Variants in ADAMTS16 observed in about 807,000 individuals in gnomAD.
ADAMTS16 encodes the protein ADAM metallopeptidase with thrombospondin type 1 motif 16.
A neutral mutation model predicts 145.8 loss-of-function variants in ADAMTS16; 94 were observed. The observed-to-expected ratio is 0.64, with a 90% confidence interval of 0.55 to 0.77. The LOEUF is 0.77. ADAMTS16 is among the 30% of genes least tolerant of loss of function. The probability of loss-of-function intolerance (pLI) is 0.00; values close to 1 mark genes in which losing one functional copy is unlikely to be tolerated. For missense variants in ADAMTS16, 1,585 were observed against 1,591.5 expected, an observed-to-expected ratio of 1.00 and a Z score of 0.07; for synonymous variants, 659 against 604.3, an observed-to-expected ratio of 1.09 and a Z score of -1.33.
intron 18 of ADAMTS16, among the ~76,000 whole-genome samples, chr5:5,291,659 C>A (rs112519043): frequency 5.8e-5 from 8 of 137,938 alleles, no homozygotes; most frequent in Non-Finnish European, 1.1e-4. Context: ...CCCACCCCCC[C>A]ACCCCCACAC....
At chr5:5,253,797 C>T (rs950745936) in intron 17 of ADAMTS16, among the ~76,000 whole-genome samples, 1 of 152,174 alleles carries the variant, frequency 6.6e-6, no homozygotes, top group South Asian at 2.1e-4. Context: ...CTGCAGCCTT[C>T]GACAGCTGGT....
At chr5:5,314,059 G>A (rs1158272561) in intron 21 of ADAMTS16, among the ~76,000 whole-genome samples, 3 of 152,218 alleles carry the variant, frequency 2.0e-5, no homozygotes, top group African/African-American at 7.2e-5. Flanking sequence ...AATTCACAAC[G>A]TCGGTTATGT....
rs147966535 is a variant in ADAMTS16, at chr5:5,257,682, T to C, written c.2663-4975T>C. Reference sequence around the variant, plus strand: ...TCTGACACCAAATTGGTGGGGTTTTTCCACACTAACAACCAGTTCTCCAAT... The same window carrying C: ...TCTGACACCAAATTGGTGGGGTTTTCCCACACTAACAACCAGTTCTCCAAT... On this transcript the variant is annotated intron_variant, in intron 17 of 22. Coordinates refer to ENST00000274181, the MANE Select transcript of ADAMTS16 (RefSeq NM_139056.4). 6.4e-3 allele frequency among the ~76,000 whole-genome samples: 970 copies of C among 152,334 alleles called. 4 individuals are homozygous for C. The highest frequency in any genetic ancestry group is 0.011 in the Admixed American group (174 of 15,306).
At position 5,290,423 on chromosome 5, in the gene ADAMTS16, G is replaced by C. The variant is rs148191442; in HGVS notation, c.2790-12845G>C. Among the ~76,000 whole-genome samples, 570 of 152,320 alleles carry C rather than the reference G, an allele frequency of 3.7e-3. 2 individuals carry two copies. The highest frequency in any genetic ancestry group is 0.012 in the African/African-American group (506 of 41,558). On this transcript the variant is annotated intron_variant, in intron 18 of 22. Transcript: ENST00000274181. ...TAATCCCAGCACTTTGGGAGGCCGA[G>C]ATGGGTGGATCACCTGAGGTCAGGA...
chr5:5,304,904 G>A lies in ADAMTS16; in HGVS notation c.3186+1138G>A, dbSNP rs571721965. On this transcript the variant is annotated intron_variant, in intron 20 of 22. Transcript: ENST00000274181. ...GCGATGTGGGCTGCATAATCTATGG[G>A]CTGTGTCCAGGTAGAAAGTCCTTGC... Among the ~76,000 whole-genome samples, 16 of 151,916 alleles carry A rather than the reference G, an allele frequency of 1.1e-4. No homozygotes were observed. In the East Asian group the frequency reaches 1.2e-3, roughly 11 times the overall value.
rs534933439 is a variant in ADAMTS16 at position 5,181,298 on chromosome 5, T to A, written c.502-746T>A. ...AGTTTACATTTCCCAGAATGTAAGA[T>A]TGCCTGCTTGTCCTCATGCTCACCA... is the stretch of plus-strand genomic sequence containing the variant. On this transcript the variant is annotated intron_variant, in intron 3 of 22. Transcript: ENST00000274181. 2.0e-5 allele frequency among the ~76,000 whole-genome samples: 3 copies of A among 152,324 alleles called. No homozygotes were observed. The East Asian group carries it at 5.8e-4, about 29-fold the overall frequency.
At position 5,255,315 on chromosome 5, in the gene ADAMTS16, C is replaced by T. The variant is rs76128758; in HGVS notation, c.2663-7342C>T. Among the ~76,000 whole-genome samples, 1,010 of 151,984 alleles carry T rather than the reference C, an allele frequency of 6.6e-3. 12 individuals are homozygous for T. The highest frequency in any genetic ancestry group is 0.023 in the African/African-American group (956 of 41,464). On this transcript the variant is annotated intron_variant, in intron 17 of 22. Transcript: ENST00000274181. ...GGTATTTCACCAAGAAAATAGAAAC[C>T]TTTCTAGGTATTTCAAGCAAGAAGT... is the stretch of plus-strand genomic sequence containing the variant.
intron 18 of ADAMTS16, among the ~76,000 whole-genome samples, chr5:5,300,929 T>C (rs2126507094): frequency 6.6e-6 from 1 of 152,352 alleles, no homozygotes; most frequent in Non-Finnish European, 1.5e-5. Flanking sequence ...CAAACCTTTT[T>C]GATTGTATTT....
chr5:5,193,167 G>GCGCA (rs1553989640), intron 8 of ADAMTS16, among the ~76,000 whole-genome samples: 19 of 144,628 alleles, frequency 1.3e-4, no homozygotes, highest in African/African-American at 5.0e-4. Flanking sequence ...GTGTGTGCGC[G>GCGCA]CGCGCACATA....
rs1403814147 is a variant in ADAMTS16 at position 5,310,708 on chromosome 5, C to T, written c.3411+3980C>T. ...GGCATGACGGGCCCTCCCTCAACCT[C>T]CAGAAGGCACCACCTCTGCTGCTCA... On this transcript the variant is annotated intron_variant, in intron 21 of 22. Coordinates refer to ENST00000274181, the MANE Select transcript of ADAMTS16 (RefSeq NM_139056.4). The surrounding 1 kb of genome is among the most constrained non-coding windows in gnomAD (Gnocchi z 4.3). 6.6e-6 allele frequency among the ~76,000 whole-genome samples: 1 copy of T among 152,192 alleles called. No individual in the cohort carries two copies. Among genetic ancestry groups the T allele is most frequent in the Non-Finnish European group, 1.5e-5 (1 of 68,038 alleles).
At chr5:5,259,805 G>A (rs1201749716) in intron 17 of ADAMTS16, among the ~76,000 whole-genome samples, 2 of 152,210 alleles carry the variant, frequency 1.3e-5, no homozygotes, top group African/African-American at 4.8e-5. Context: ...ACATAACTCA[G>A]CTTTCAGCTT....
chr5:5,222,790 A>C lies in ADAMTS16; in HGVS notation c.1607A>C (p.Asp536Ala). The C allele has an allele frequency of 6.2e-7, 1 of 1,613,888 alleles. No homozygotes were observed. Among genetic ancestry groups the C allele is most frequent in the Non-Finnish European group, 8.5e-7 (1 of 1,179,804 alleles). ...TGACCTTTTACAAAATTTCTTTAGG[A>C]CATCTGTAAAGCCCTGTGGTGCCAT... ...AKLCMLDFKKDICKALWCHRI... is the reference protein window; with the variant it reads ...AKLCMLDFKKAICKALWCHRI... The change falls in exon 11 of 23, where the codon GAC (aspartate) becomes GCC (alanine). Residue 536 changes from aspartate to alanine, a missense_variant and splice_region_variant. This residue lies in a region of ADAMTS16 where 298 missense variants were observed against 367.6 expected (regional missense o/e 0.81). Transcript: ENST00000274181.
In ADAMTS16 at chr5:5,191,683, A is replaced by G; in HGVS notation, c.1208-2A>G. The stretch of plus-strand genomic sequence containing the variant: ...TGTTCTTTTGATCTTTGTCCTTCAC[A>G]GGATTTGCACCCATAAGTGGAATGT... On this transcript the variant is annotated splice_acceptor_variant, in intron 7 of 22. Coordinates refer to ENST00000274181, the MANE Select transcript of ADAMTS16 (RefSeq NM_139056.4). LOFTEE classifies it high-confidence loss of function. 1.2e-6 allele frequency: 2 copies of G among 1,611,232 alleles called. No individual in the cohort carries two copies. The highest frequency in any genetic ancestry group is 1.7e-6 in the Non-Finnish European group (2 of 1,177,826).
Position 5,239,796 on chromosome 5 carries a change from T to C in ADAMTS16, c.2394T>C (p.Asn798=), listed in dbSNP as rs1260796635. ...VRNALRRYYL[N]GHWTVDWPGR... is the part of the protein sequence containing the mutation. ...ATGCCCTCAGAAGGTACTACCTGAA[T>C]GGGCACTGGACCGTGGACTGGCCCG... The change falls in exon 16 of 23, where the codon AAT becomes AAC. Residue 798 remains asparagine (N), a synonymous_variant. Transcript: ENST00000274181. 6.2e-7 allele frequency: 1 copy of C among 1,614,200 alleles called. No homozygotes were observed. Among genetic ancestry groups the C allele is most frequent in the South Asian group, 1.1e-5 (1 of 91,080 alleles).
At chr5:5,156,542 T>C (rs6899080) in intron 3 of ADAMTS16, among the ~76,000 whole-genome samples, 41,478 of 152,082 alleles carry the variant, frequency 0.27, 6,144 homozygotes, top group South Asian at 0.4. Flanking sequence ...ACAGGCTTAT[T>C]CTTGTATGGG....
intron 11 of ADAMTS16, among the ~76,000 whole-genome samples, chr5:5,228,592 G>A (rs916436063): frequency 2.3e-4 from 35 of 152,218 alleles, no homozygotes; most frequent in Middle Eastern, 3.4e-3. Context: ...TTAAGAGGCT[G>A]TAGCCTCTTA....
chr5:5,214,717 T>A (rs572612832), intron 10 of ADAMTS16, among the ~76,000 whole-genome samples: 16 of 152,348 alleles, frequency 1.1e-4, no homozygotes, highest in Middle Eastern at 3.4e-3. Flanking sequence ...TATTTTCTTT[T>A]AAAAATTAGA....
chr5:5,311,333 AC>A (rs752652256), intron 21 of ADAMTS16, among the ~76,000 whole-genome samples: 54 of 151,676 alleles, frequency 3.6e-4, no homozygotes, highest in African/African-American at 9.2e-4. Flanking sequence ...AAACAAAAAA[AC>A]ATTCTTATTG....
At position 5,251,851 on chromosome 5, in the gene ADAMTS16, C is replaced by A. The variant is rs560612673; in HGVS notation, c.2662+9660C>A. 3.4e-4 allele frequency among the ~76,000 whole-genome samples: 51 copies of A among 152,228 alleles called. No individual in the cohort carries two copies. In the South Asian group the frequency reaches 0.011, roughly 32 times the overall value. ...AGCCCTGGGCATGGGGCCAAGTACT[C>A]GGTGCTTTTTTTTTCTTTTTTTTGA... On this transcript the variant is annotated intron_variant, in intron 17 of 22. Transcript: ENST00000274181.
Sources: allele counts gnomAD v4.1 joint callset (sites outside exome capture counted in the v4.1 genomes callset), GRCh38; gene constraint gnomAD v4.1.1; regional missense constraint gnomAD v4.1.1; non-coding constraint Gnocchi (gnomAD v3.1); transcripts MANE v1.5; gene names NCBI Gene and HGNC (gene_info 2026-07-23, HGNC 2026-07-21).